EPHA6: variants seen among roughly 807,000 people sequenced by gnomAD.
EPHA6 encodes the protein ephrin type-A receptor 6.
In EPHA6, 50 loss-of-function variants were observed where a neutral mutation model predicts 112.0. That is an observed-to-expected ratio of 0.45 (90% confidence interval 0.36 to 0.56). The LOEUF is 0.56. Ranked by LOEUF, EPHA6 falls within the 20% of genes least tolerant of loss-of-function variation. The pLI, the probability that EPHA6 is intolerant of heterozygous loss-of-function variation, is 0.00. For missense variants in EPHA6, 1,280 were observed against 1,417.4 expected (o/e 0.90, Z 1.56); for synonymous variants, 529 against 490.7 (o/e 1.08, Z -1.03).
At chr3:97,200,909 T>G (rs1353333609) in intron 3 of EPHA6, among the ~76,000 whole-genome samples, 1 of 152,156 alleles carries the variant, frequency 6.6e-6, no homozygotes, top group Non-Finnish European at 1.5e-5. Flanking sequence ...GTGATAGTTC[T>G]TTGTAGTTTA....
intron 16 of EPHA6, among the ~76,000 whole-genome samples, chr3:97,743,579 A>G (rs976345124): frequency 1.3e-5 from 2 of 152,116 alleles, no homozygotes; most frequent in Non-Finnish European, 1.5e-5. Context: ...TTGAATATGA[A>G]AACTGCTGAA....
intron 14 of EPHA6, among the ~76,000 whole-genome samples, chr3:97,704,889 TA>T (rs1448436225): frequency 6.6e-6 from 1 of 152,150 alleles, no homozygotes; most frequent in Non-Finnish European, 1.5e-5. Flanking sequence ...ATTACAGAAT[TA>T]TGAAGTAATG....
chr3:97,335,955 C>A (rs766098496), intron 5 of EPHA6, among the ~76,000 whole-genome samples: 2 of 151,880 alleles, frequency 1.3e-5, no homozygotes, highest in Non-Finnish European at 2.9e-5. Context: ...AGCCACAAGA[C>A]CAAATGAGCC....
intron 1 of EPHA6, among the ~76,000 whole-genome samples, chr3:96,851,461 A>G (rs74508128): frequency 0.013 from 2,029 of 152,232 alleles, 46 homozygotes; most frequent in African/African-American, 0.044. Context: ...GGACTCTTAG[A>G]ATAGCTTTCT....
At chr3:97,466,477 C>T in intron 7 of EPHA6, 2 of 1,391,470 alleles carry the variant, frequency 1.4e-6, no homozygotes, top group African/African-American at 1.4e-5. Flanking sequence ...GACTTTATTG[C>T]CTCAGGTAAC....
At position 97,115,865 on chromosome 3, in the gene EPHA6, TATC is replaced by T. The variant is rs150299082; in HGVS notation, c.1115-110390_1115-110388del. ...ACATATATGATACGTTATTGAACCATATCATCATCATGTGAAAAGCACTTTTAA... is the reference window on the plus strand; with the variant it reads ...ACATATATGATACGTTATTGAACCATATCATCATGTGAAAAGCACTTTTAA... On this transcript the variant is annotated intron_variant, in intron 3 of 17. Transcript: ENST00000389672. Among the ~76,000 whole-genome samples the T allele has an allele frequency of 3.0e-3, 463 of 151,974 alleles. 3 individuals are homozygous for T. Among genetic ancestry groups the T allele is most frequent in the African/African-American group, 0.01 (421 of 41,536 alleles).
chr3:97,205,484 G>T (rs780590436), intron 3 of EPHA6, among the ~76,000 whole-genome samples: 1 of 151,998 alleles, frequency 6.6e-6, no homozygotes, highest in South Asian at 2.1e-4. Flanking sequence ...TGTTTGAACT[G>T]CATGGCTCCA....
chr3:97,000,684 G>A (rs1361492421), intron 3 of EPHA6, among the ~76,000 whole-genome samples: 1 of 151,660 alleles, frequency 6.6e-6, no homozygotes, highest in Non-Finnish European at 1.5e-5. Context: ...GAAATGACAT[G>A]TATGTAATCA....
intron 3 of EPHA6, among the ~76,000 whole-genome samples, chr3:97,147,417 G>A (rs2076068969): frequency 6.6e-6 from 1 of 151,946 alleles, no homozygotes; most frequent in African/African-American, 2.4e-5. Context: ...CCTCCTGAGA[G>A]GAAAGGAACC....
chr3:97,466,307 A>C (rs891781041), intron 7 of EPHA6: 1 of 1,474,710 alleles, frequency 6.8e-7, no homozygotes, highest in Non-Finnish European at 9.5e-7. Context: ...CATAATAAAC[A>C]ATGAGAAGTA....
At chr3:97,690,358 T>C (rs994290951) in intron 14 of EPHA6, among the ~76,000 whole-genome samples, 1 of 152,224 alleles carries the variant, frequency 6.6e-6, no homozygotes, top group Non-Finnish European at 1.5e-5. Flanking sequence ...TGTGAAATGG[T>C]ATTTCATTAT....
intron 2 of EPHA6, among the ~76,000 whole-genome samples, chr3:96,894,152 G>T (rs766577261): frequency 2.4e-4 from 36 of 152,070 alleles, no homozygotes; most frequent in Admixed American, 9.2e-4. Flanking sequence ...TTGTGATCTG[G>T]CACAGAAAAC....
chr3:97,332,892 A>G (rs750226036), intron 5 of EPHA6, among the ~76,000 whole-genome samples: 25 of 152,182 alleles, frequency 1.6e-4, no homozygotes, highest in Middle Eastern at 3.4e-3. Context: ...TATCACATAG[A>G]TCATTCCTCC....
At chr3:97,284,863 A>T (rs780219294) in intron 5 of EPHA6, among the ~76,000 whole-genome samples, 8 of 152,184 alleles carry the variant, frequency 5.3e-5, no homozygotes, top group Non-Finnish European at 1.2e-4. Context: ...GATCTATCAG[A>T]ATAGTAAATT....
At chr3:97,516,297 A>G (rs1181265045) in intron 10 of EPHA6, among the ~76,000 whole-genome samples, 1 of 152,190 alleles carries the variant, frequency 6.6e-6, no homozygotes, top group Non-Finnish European at 1.5e-5. Context: ...GTGTCCTGAC[A>G]AATGCGTTGG....
intron 2 of EPHA6, among the ~76,000 whole-genome samples, chr3:96,957,885 TTTTCAC>T (rs1362139353): frequency 6.6e-6 from 1 of 152,170 alleles, no homozygotes; most frequent in African/African-American, 2.4e-5. Flanking sequence ...TATTGGGTTG[TTTTCAC>T]TACATGTGGA....
At chr3:97,133,708 T>C (rs932772635) in intron 3 of EPHA6, among the ~76,000 whole-genome samples, 2 of 152,034 alleles carry the variant, frequency 1.3e-5, no homozygotes, top group African/African-American at 4.8e-5. Flanking sequence ...GTGCTCCCTT[T>C]TGTAACTTGT....
chr3:97,049,260 T>C (rs146407574), intron 3 of EPHA6, among the ~76,000 whole-genome samples: 133 of 152,296 alleles, frequency 8.7e-4, no homozygotes, highest in African/African-American at 3.0e-3. Flanking sequence ...TAACAGCATC[T>C]CTCTGGCTAC....
chr3:97,508,487 A>C (rs898528424), intron 10 of EPHA6, among the ~76,000 whole-genome samples: 3 of 152,150 alleles, frequency 2.0e-5, no homozygotes, highest in Admixed American at 2.0e-4. Context: ...TGAGTTTCTT[A>C]ATCCTGAGTT....
Sources: gnomAD v4.1 joint callset for allele counts (sites outside exome capture counted in the v4.1 genomes callset) on GRCh38, gnomAD v4.1.1 for gene constraint, MANE v1.5 for transcripts, NCBI Gene and HGNC (gene_info 2026-07-23, HGNC 2026-07-21) for gene names.